CNTNAP2: variants seen among roughly 807,000 people sequenced by gnomAD.
The protein encoded by CNTNAP2 is contactin-associated protein-like 2.
CNTNAP2 carries 98 observed loss-of-function variants against 155.2 expected under a neutral mutation model. That is an observed-to-expected ratio of 0.63 (90% CI 0.54 to 0.75). The LOEUF is 0.75. Among genes scored for constraint, CNTNAP2 ranks in the 30% least tolerant of loss-of-function variants. CNTNAP2 has a pLI of 0.00. For missense variants in CNTNAP2, 1,727 were observed against 1,688.1 expected, an observed-to-expected ratio of 1.02 and a Z score of -0.40; for synonymous variants, 651 against 631.2, an observed-to-expected ratio of 1.03 and a Z score of -0.47.
intron 2 of CNTNAP2, among the ~76,000 whole-genome samples, chr7:146,814,377 G>A (rs1803123248): frequency 6.6e-6 from 1 of 151,948 alleles, no homozygotes; most frequent in African/African-American, 2.4e-5. Context: ...TAGTATTAAG[G>A]AAATAACCTG....
At chr7:147,336,389 A>G (rs1454100327) in intron 9 of CNTNAP2, among the ~76,000 whole-genome samples, 2 of 152,162 alleles carry the variant, frequency 1.3e-5, no homozygotes, top group African/African-American at 4.8e-5. Flanking sequence ...AAGCCTTTCA[A>G]CAGGAGTTTA....
intron 8 of CNTNAP2, among the ~76,000 whole-genome samples, chr7:147,215,070 A>G (rs1405885797): frequency 6.6e-6 from 1 of 151,850 alleles, no homozygotes; most frequent in Non-Finnish European, 1.5e-5. Context: ...TGATCCAATC[A>G]CCTCCCACCA....
At chr7:146,368,849 CAT>C (rs34394597) in intron 1 of CNTNAP2, among the ~76,000 whole-genome samples, 6,858 of 146,246 alleles carry the variant, frequency 0.047, 522 homozygotes, top group African/African-American at 0.16. Flanking sequence ...AAATTATATA[CAT>C]ATATATATAT....
intron 21 of CNTNAP2, among the ~76,000 whole-genome samples, chr7:148,310,780 T>C (rs1452755440): frequency 6.6e-6 from 1 of 152,134 alleles, no homozygotes; most frequent in Non-Finnish European, 1.5e-5. Flanking sequence ...GGGTGTCTTG[T>C]ACCCAGACTC....
intron 15 of CNTNAP2, among the ~76,000 whole-genome samples, chr7:147,990,605 G>T (rs1275756249): frequency 6.6e-6 from 1 of 152,124 alleles, no homozygotes; most frequent in Non-Finnish European, 1.5e-5. Context: ...GAATGTTTCT[G>T]ATTGGAGATA....
intron 8 of CNTNAP2, among the ~76,000 whole-genome samples, chr7:147,140,393 C>G (rs1801568312): frequency 6.6e-6 from 1 of 152,016 alleles, no homozygotes; most frequent in Admixed American, 6.6e-5. Context: ...AGGATTCTCT[C>G]CTTCCCTCAT....
intron 8 of CNTNAP2, among the ~76,000 whole-genome samples, chr7:147,190,650 C>G (rs10239280): frequency 0.027 from 4,051 of 152,100 alleles, 85 homozygotes; most frequent in African/African-American, 0.051. Context: ...ATGGCAATTC[C>G]TGGAGAAAAA....
intron 1 of CNTNAP2, among the ~76,000 whole-genome samples, chr7:146,330,454 C>A (rs1184631200): frequency 3.9e-5 from 6 of 152,230 alleles, no homozygotes; most frequent in Admixed American, 1.3e-4. Flanking sequence ...TCACAGAGCA[C>A]ACAATCAATT....
At chr7:147,395,884 C>A in intron 10 of CNTNAP2, 104 bp downstream of exon 10, 2 of 1,308,426 alleles carry the variant, frequency 1.5e-6, no homozygotes, top group Non-Finnish European at 2.2e-6. Flanking sequence ...AAGTTAAAAA[C>A]AGGTAAGGTG....
intron 1 of CNTNAP2, among the ~76,000 whole-genome samples, chr7:146,327,383 CTT>C (rs764389693): frequency 8.5e-5 from 13 of 152,178 alleles, no homozygotes; most frequent in East Asian, 7.7e-4. Flanking sequence ...GAAGGCAACT[CTT>C]AAGTAATAAA....
intron 15 of CNTNAP2, among the ~76,000 whole-genome samples, chr7:148,089,974 C>T (rs141635862): frequency 2.8e-4 from 42 of 151,924 alleles, no homozygotes; most frequent in African/African-American, 9.4e-4. Context: ...TAAATTAATG[C>T]ATTTATGGTA....
chr7:148,165,937 T>C (rs1401657207), intron 17 of CNTNAP2, among the ~76,000 whole-genome samples: 1 of 152,174 alleles, frequency 6.6e-6, no homozygotes, highest in African/African-American at 2.4e-5. Flanking sequence ...ACCGCTCTCA[T>C]CTCATGCCTC....
intron 1 of CNTNAP2, among the ~76,000 whole-genome samples, chr7:146,225,071 A>T (rs1799270454): frequency 6.6e-6 from 1 of 152,166 alleles, no homozygotes; most frequent in Non-Finnish European, 1.5e-5. Context: ...TGGGAAGACA[A>T]AAAGAAAGAG....
intron 13 of CNTNAP2, among the ~76,000 whole-genome samples, chr7:147,670,380 C>T (rs566260928): frequency 6.6e-6 from 1 of 152,232 alleles, no homozygotes; most frequent in Non-Finnish European, 1.5e-5. Flanking sequence ...AAGGGTGGAT[C>T]CCCAACAAAA....
At chr7:146,196,879 T>TA (rs1798784869) in intron 1 of CNTNAP2, among the ~76,000 whole-genome samples, 1 of 152,176 alleles carries the variant, frequency 6.6e-6, no homozygotes, top group African/African-American at 2.4e-5. Flanking sequence ...CCTAGTACTC[T>TA]AGGAGGCTTC....
chr7:146,401,597 A>G (rs1439768760), intron 1 of CNTNAP2, among the ~76,000 whole-genome samples: 2 of 152,200 alleles, frequency 1.3e-5, no homozygotes, highest in Non-Finnish European at 1.5e-5. Flanking sequence ...TTGTGTGTTC[A>G]AAGAGTATCT....
At chr7:147,472,919 A>T (rs1342944687) in intron 10 of CNTNAP2, among the ~76,000 whole-genome samples, 1 of 152,148 alleles carries the variant, frequency 6.6e-6, no homozygotes, top group East Asian at 1.9e-4. Flanking sequence ...GGAGTGTCCA[A>T]GTTTCAGGCT....
At chr7:147,693,200 A>C (rs1451734172) in intron 13 of CNTNAP2, among the ~76,000 whole-genome samples, 1 of 152,034 alleles carries the variant, frequency 6.6e-6, no homozygotes, top group Non-Finnish European at 1.5e-5. Flanking sequence ...CTGTTCAGCT[A>C]ATCTATTTGT....
chr7:147,936,607 C>T (rs541899138), intron 14 of CNTNAP2, among the ~76,000 whole-genome samples: 1 of 152,306 alleles, frequency 6.6e-6, no homozygotes, highest in Admixed American at 6.5e-5. Flanking sequence ...TATCCCTCCC[C>T]TCCCTCATTT....
Sources: allele counts gnomAD v4.1 joint callset (sites outside exome capture counted in the v4.1 genomes callset), GRCh38; gene constraint gnomAD v4.1.1; transcripts MANE v1.5; gene names NCBI Gene and HGNC (gene_info 2026-07-23, HGNC 2026-07-21).